RMST: variants seen among roughly 807,000 people sequenced by gnomAD.
RMST encodes the protein rhabdomyosarcoma 2 associated transcript.
At chr12:97,534,998 T>C (rs932699879) in intron 11 of RMST, among the ~76,000 whole-genome samples, 1 of 151,698 alleles carries the variant, frequency 6.6e-6, no homozygotes, top group Non-Finnish European at 1.5e-5. Context: ...AGATAGCAAG[T>C]GGCAGACTCA....
In RMST at chr12:97,490,511, C is replaced by T. The variant is rs574714626; in HGVS notation, n.645-1950C>T. 3.9e-5 allele frequency among the ~76,000 whole-genome samples: 6 copies of T among 152,280 alleles called. No individual in the cohort carries two copies. The East Asian group carries it at 1.2e-3, about 29-fold the overall frequency. ...TTGGGGGATTAAATGAGTTTCTATA[C>T]ACAAAGCATTTAGGACAGTGCCTGG... On this transcript the variant is annotated intron_variant and non_coding_transcript_variant, in intron 5 of 13. Transcript: ENST00000640149.
chr12:97,506,663 T>C (rs965248584), intron 10 of RMST, among the ~76,000 whole-genome samples: 1 of 150,764 alleles, frequency 6.6e-6, no homozygotes, highest in South Asian at 2.1e-4. Flanking sequence ...ATTGAAGACA[T>C]TAGGGTAATC....
chr12:97,531,577 C>A (rs1881629123), intron 11 of RMST, among the ~76,000 whole-genome samples: 1 of 151,892 alleles, frequency 6.6e-6, no homozygotes, highest in Admixed American at 6.6e-5. Context: ...GGGCATGTGC[C>A]TGTGTGTATG....
At chr12:97,557,801 C>T (rs1246738698) in intron 11 of RMST, among the ~76,000 whole-genome samples, 3 of 152,066 alleles carry the variant, frequency 2.0e-5, no homozygotes, top group African/African-American at 7.2e-5. Flanking sequence ...AATAGGTCAC[C>T]TAATTAACAG....
intron 5 of RMST, among the ~76,000 whole-genome samples, chr12:97,466,717 A>G (rs1593106721): frequency 6.6e-6 from 1 of 152,208 alleles, no homozygotes; most frequent in East Asian, 1.9e-4. Context: ...CTCGTTCCAA[A>G]TACAATGTTT....
chr12:97,466,052 A>G (rs1043766378), intron 5 of RMST, among the ~76,000 whole-genome samples: 6 of 152,154 alleles, frequency 3.9e-5, no homozygotes, highest in Non-Finnish European at 7.4e-5. Flanking sequence ...TATTTCTAGA[A>G]CTAGTAAATT....
intron 10 of RMST, among the ~76,000 whole-genome samples, chr12:97,509,091 A>T (rs141840564): frequency 8.1e-4 from 123 of 152,304 alleles, no homozygotes; most frequent in African/African-American, 2.8e-3. Flanking sequence ...TTTGACTAGG[A>T]TTTTAACCAG....
chr12:97,561,045 G>A (rs1884065809), exon 13 of RMST: 2 of 152,282 alleles, frequency 1.3e-5, no homozygotes, highest in Admixed American at 1.3e-4. Context: ...ATGGCTTCAT[G>A]AGGTGAATAT....
At chr12:97,519,453 G>A (rs1880287780) in intron 10 of RMST, among the ~76,000 whole-genome samples, 2 of 152,178 alleles carry the variant, frequency 1.3e-5, no homozygotes, top group East Asian at 1.9e-4. Context: ...ATTTGTTCGA[G>A]TTTATTAATT....
chr12:97,560,335 G>A (rs1019946955), intron 11 of RMST, among the ~76,000 whole-genome samples: 3 of 152,118 alleles, frequency 2.0e-5, no homozygotes, highest in African/African-American at 4.8e-5. Context: ...TCGAATTACC[G>A]CCTAGCAGAT....
chr12:97,515,769 A>G (rs1383793903), intron 10 of RMST, among the ~76,000 whole-genome samples: 1 of 152,134 alleles, frequency 6.6e-6, no homozygotes, highest in Non-Finnish European at 1.5e-5. Context: ...GTAAGAATAA[A>G]AAAATGAGCA....
chr12:97,548,927 T>C (rs1447156270), intron 11 of RMST, among the ~76,000 whole-genome samples: 4 of 152,166 alleles, frequency 2.6e-5, no homozygotes, highest in African/African-American at 9.6e-5. Context: ...AAAAGGTTTA[T>C]TTTCATTTTA....
At position 97,498,789 on chromosome 12, in the gene RMST, A is replaced by G. The variant is rs150454516; in HGVS notation, n.1340+2733A>G. Among the ~76,000 whole-genome samples, 958 of 152,278 alleles carry G rather than the reference A, an allele frequency of 6.3e-3. 5 individuals are homozygous for G. The highest frequency in any genetic ancestry group is 0.022 in the African/African-American group (896 of 41,556). On this transcript the variant is annotated intron_variant and non_coding_transcript_variant, in intron 10 of 13. Transcript: ENST00000640149. ...TCTCTACTGCTAAGACCTCCTTTCA[A>G]TAAGGACCTGAAATTCATCCACACG...
intron 10 of RMST, among the ~76,000 whole-genome samples, chr12:97,506,671 A>C (rs1878694289): frequency 6.9e-6 from 1 of 144,630 alleles, no homozygotes; most frequent in South Asian, 2.2e-4. Flanking sequence ...CATTAGGGTA[A>C]TCTGTTTTTT....
Position 97,481,750 on chromosome 12 carries a change from T to A in RMST, n.645-10711T>A, listed in dbSNP as rs187759871. On this transcript the variant is annotated intron_variant and non_coding_transcript_variant, in intron 5 of 13. Transcript: ENST00000640149. ...TTATGAAAATTTAGCTGAAGCATTT[T>A]AAAAAAATGTTTTGGCCAGATTCTT... Among the ~76,000 whole-genome samples the A allele has an allele frequency of 6.6e-5, 10 of 152,292 alleles. 1 individual carries two copies. In the East Asian group the frequency reaches 1.9e-3, roughly 29 times the overall value.
At chr12:97,550,496 A>G (rs1241642108) in intron 11 of RMST, among the ~76,000 whole-genome samples, 1 of 152,168 alleles carries the variant, frequency 6.6e-6, no homozygotes, top group African/African-American at 2.4e-5. Flanking sequence ...TCCAACATGA[A>G]CTTGCTGAGG....
intron 5 of RMST, among the ~76,000 whole-genome samples, chr12:97,489,040 G>A (rs77731925): frequency 0.076 from 11,569 of 152,172 alleles, 664 homozygotes; most frequent in Middle Eastern, 0.13. Context: ...TTGCATCACT[G>A]CCATCGAGGT....
chr12:97,478,133 G>A (rs1384654034), intron 5 of RMST, among the ~76,000 whole-genome samples: 1 of 152,108 alleles, frequency 6.6e-6, no homozygotes, highest in East Asian at 1.9e-4. Context: ...ACTTGGTATT[G>A]GGCTTTGAAA....
At chr12:97,551,570 A>G (rs765436143) in intron 11 of RMST, among the ~76,000 whole-genome samples, 2 of 152,296 alleles carry the variant, frequency 1.3e-5, no homozygotes, top group East Asian at 3.9e-4. Flanking sequence ...TTGGCTTTCA[A>G]GCTAGGGTTG....
Sources: allele counts gnomAD v4.1 joint callset (sites outside exome capture counted in the v4.1 genomes callset), GRCh38; gene constraint gnomAD v4.1.1; transcripts MANE v1.5; gene names NCBI Gene and HGNC (gene_info 2026-07-23, HGNC 2026-07-21).